The following COMMD2 variants were observed in gnomAD, a reference collection of about 807,000 sequenced individuals.
COMMD2 encodes the protein COMM domain-containing protein 2.
In COMMD2, 25 loss-of-function variants were observed where a neutral mutation model predicts 22.5. That is an observed-to-expected ratio of 1.11 (90% CI 0.81 to 1.55). COMMD2 has a LOEUF of 1.55. Among genes scored for constraint, COMMD2 ranks in the 40% most tolerant of loss-of-function variants. The probability of loss-of-function intolerance (pLI) is 0.00; values close to 1 mark genes in which losing one functional copy is unlikely to be tolerated. For synonymous variants in COMMD2, 98 were observed against 91.2 expected, an observed-to-expected ratio of 1.07 and a Z score of -0.42; for missense variants, 223 against 232.9, an observed-to-expected ratio of 0.96 and a Z score of 0.28.
rs1163264876 is a variant in COMMD2, at chr3:149,752,293, A to G, written c.68-6T>C. 1.9e-6 allele frequency: 3 copies of G among 1,613,936 alleles called. No homozygotes were observed. The highest frequency in any genetic ancestry group is 1.3e-5 in the African/African-American group (1 of 74,910). On this transcript the variant is annotated splice_region_variant and splice_polypyrimidine_tract_variant and intron_variant, in intron 1 of 4. Transcript: ENST00000473414. ...CCGCCCAAACTCGGCGACCACTGCA[A>G]TGAAAGTCAGAAGGCTGTTGAGTGC...
intron 4 of COMMD2, among the ~76,000 whole-genome samples, chr3:149,743,415 C>T (rs1716290048): frequency 6.6e-6 from 1 of 152,136 alleles, no homozygotes; most frequent in Non-Finnish European, 1.5e-5. Context: ...ATAGTGGAGT[C>T]ATGTCAAGAA....
chr3:149,752,334 ACCT>A lies in COMMD2; in HGVS notation c.67+41_67+43del, dbSNP rs1413301503. ...TGTTGAGTGCCAGGCGCTGCCTTTGACCTCCTCCCCAGCCCACAGAACACCGCC... is the reference window on the plus strand; with the variant it reads ...TGTTGAGTGCCAGGCGCTGCCTTTGACCTCCCCAGCCCACAGAACACCGCC... On this transcript the variant is annotated intron_variant, in intron 1 of 4. Transcript: ENST00000473414. The A allele has an allele frequency of 5.0e-6, 8 of 1,613,348 alleles. No individual in the cohort carries two copies. In the African/African-American group the frequency reaches 8.0e-5, roughly 16 times the overall value.
intron 4 of COMMD2, among the ~76,000 whole-genome samples, chr3:149,742,634 TAC>T (rs1445088615): frequency 6.6e-6 from 1 of 151,976 alleles, no homozygotes; most frequent in Non-Finnish European, 1.5e-5. Flanking sequence ...TTAAAAAATA[TAC>T]AGTTTGGTGA....
At chr3:149,741,840 A>T (rs1174149915) in intron 4 of COMMD2, 122 bp from the exon 5 acceptor site, 1 of 730,830 alleles carries the variant, frequency 1.4e-6, no homozygotes, top group East Asian at 2.7e-5. Flanking sequence ...AGACTTCAAA[A>T]TGAAAAGTAA....
intron 3 of COMMD2, 51 bp downstream of exon 3, chr3:149,751,345 TACACCAG>T: frequency 6.2e-7 from 1 of 1,612,658 alleles, no homozygotes; most frequent in Non-Finnish European, 8.5e-7. Flanking sequence ...TGATGTAGAG[TACACCAG>T]ACCGTTCTTA....
Position 149,741,380 on chromosome 3 carries a change from G to A in COMMD2, c.*141C>T. Reference sequence around the variant, plus strand: ...TGCACCCAGCTTAGCTTCTGATTATGACCTCAGTATCTTGGAATAGATACT... The same window carrying A: ...TGCACCCAGCTTAGCTTCTGATTATAACCTCAGTATCTTGGAATAGATACT... On this transcript the variant is annotated 3_prime_UTR_variant, in exon 5 of 5. Transcript: ENST00000473414. The A allele has an allele frequency of 2.7e-6, 2 of 729,016 alleles. No homozygotes were observed. Among genetic ancestry groups the A allele is most frequent in the South Asian group, 3.7e-5 (2 of 54,676 alleles). 45.2% of individuals were successfully genotyped at this position (729,016 alleles called of 1,614,324 possible).
In COMMD2 at chr3:149,741,825, A is replaced by G. The variant is rs935735364; in HGVS notation, c.403-107T>C. 38 of 832,610 alleles carry G rather than the reference A, an allele frequency of 4.6e-5. No homozygotes were observed. The Middle Eastern group carries it at 8.5e-4, about 19-fold the overall frequency. 51.6% of individuals were successfully genotyped at this position (832,610 alleles called of 1,614,324 possible). Reference sequence around the variant, plus strand: ...TACACAAAAATTAAGTTTCAGATGAATTACAGACTTCAAAATGAAAAGTAA... The same window carrying G: ...TACACAAAAATTAAGTTTCAGATGAGTTACAGACTTCAAAATGAAAAGTAA... On this transcript the variant is annotated intron_variant, in intron 4 of 4. Transcript: ENST00000473414.
At position 149,740,517 on chromosome 3, in the gene COMMD2, T is replaced by C. The variant is rs941952449; in HGVS notation, c.*1004A>G. The C allele has an allele frequency of 6.6e-5, 10 of 152,226 alleles. No homozygotes were observed. Among genetic ancestry groups the C allele is most frequent in the African/African-American group, 1.7e-4 (7 of 41,454 alleles). The allele number at this position is 152,226 out of a possible 1,614,324, so 9.4% of individuals were successfully genotyped here. A position where few individuals can be genotyped will look rare whatever the true frequency, so the allele number is the denominator to read the frequency against. On this transcript the variant is annotated 3_prime_UTR_variant, in exon 5 of 5. Transcript: ENST00000473414. ...AATTAGTCCTTGATAAAATACAATA[T>C]ACGACCACACAAATTTGAGTACTAT...
chr3:149,751,826 C>T, intron 2 of COMMD2: 1 of 240,168 alleles, frequency 4.2e-6, no homozygotes, highest in Non-Finnish European at 7.5e-6. Context: ...AGGGGTAAAA[C>T]AACACTTTTT....
chr3:149,748,841 T>C (rs1285623801), intron 4 of COMMD2, among the ~76,000 whole-genome samples: 2 of 152,214 alleles, frequency 1.3e-5, no homozygotes, highest in African/African-American at 4.8e-5. Context: ...CTTACAAGGA[T>C]AAGAAAGAGT....
intron 4 of COMMD2, among the ~76,000 whole-genome samples, chr3:149,749,880 A>G (rs759438226): frequency 2.0e-4 from 30 of 152,284 alleles, no homozygotes; most frequent in Non-Finnish European, 3.4e-4. Context: ...ACCTTATTTT[A>G]TAACTACCTT....
intron 4 of COMMD2, among the ~76,000 whole-genome samples, chr3:149,746,400 T>C (rs1163838050): frequency 6.6e-6 from 1 of 152,024 alleles, no homozygotes; most frequent in African/African-American, 2.4e-5. Context: ...GAGGCTATGG[T>C]AGGAGTAGTT....
chr3:149,743,061 A>G (rs1458150797), intron 4 of COMMD2, among the ~76,000 whole-genome samples: 3 of 152,112 alleles, frequency 2.0e-5, no homozygotes, highest in East Asian at 1.9e-4. Flanking sequence ...GATGGTTACA[A>G]TTGGGTACAG....
chr3:149,746,050 G>A (rs1390654837), intron 4 of COMMD2, among the ~76,000 whole-genome samples: 1 of 152,208 alleles, frequency 6.6e-6, no homozygotes, highest in Non-Finnish European at 1.5e-5. Flanking sequence ...GCATCCAAGT[G>A]TTAGGCCCAC....
chr3:149,751,095 T>C (rs1335768940), intron 3 of COMMD2, among the ~76,000 whole-genome samples: 9 of 152,200 alleles, frequency 5.9e-5, no homozygotes, highest in Admixed American at 3.3e-4. Context: ...TCAAGCCAGA[T>C]ACTGCTGATA....
In COMMD2 at chr3:149,738,589, T is replaced by TTC. The variant is rs1716123046; in HGVS notation, c.*2930_*2931dup. On this transcript the variant is annotated 3_prime_UTR_variant, in exon 5 of 5. Coordinates refer to ENST00000473414, the MANE Select transcript of COMMD2 (RefSeq NM_016094.4). ...AGTCAATGTGGTAGGTAATCCTATA[T>TTC]TCCTATTTTAGAGATGAACAAAAAA... The TTC allele has an allele frequency of 6.6e-6, 1 of 152,088 alleles. No individual in the cohort carries two copies. Among genetic ancestry groups the TTC allele is most frequent in the Non-Finnish European group, 1.5e-5 (1 of 67,954 alleles). The allele number at this position is 152,088 out of a possible 1,614,324, so 9.4% of individuals were successfully genotyped here. A position where few individuals can be genotyped will look rare whatever the true frequency, so the allele number is the denominator to read the frequency against.
chr3:149,739,212 GA>G lies in COMMD2; in HGVS notation c.*2308del. The G allele has an allele frequency of 6.6e-6, 1 of 152,216 alleles. No individual in the cohort carries two copies. Among genetic ancestry groups the G allele is most frequent in the South Asian group, 2.1e-4 (1 of 4,820 alleles). 9.4% of individuals were successfully genotyped at this position (152,216 alleles called of 1,614,324 possible). A position where few individuals can be genotyped will look rare whatever the true frequency, so the allele number is the denominator to read the frequency against. On this transcript the variant is annotated 3_prime_UTR_variant, in exon 5 of 5. Coordinates refer to ENST00000473414, the MANE Select transcript of COMMD2 (RefSeq NM_016094.4). ...CCTGGGTCATACTGGAGAGAACAGT[GA>G]CTACCTCTAAAGAAAATTATGTTCA...
rs778530127 is a variant in COMMD2, at chr3:149,741,678, A to C, written c.443T>G (p.Val148Gly). The C allele has an allele frequency of 6.2e-7, 1 of 1,613,924 alleles. No individual in the cohort carries two copies. The highest frequency in any genetic ancestry group is 8.5e-7 in the Non-Finnish European group (1 of 1,179,958). ...TTGATTAAGGTGTAGCTTTATAGTC[A>C]CTGCTGGTTTAATCTGTTGCCTGAG... The part of the protein sequence containing the change: ...RSLRQQIKPA[V>G]TIKLHLNQNG... The change falls in exon 5 of 5, where the codon GTG (valine) becomes GGG (glycine). Residue 148 changes from valine to glycine, a missense_variant. Coordinates refer to ENST00000473414, the MANE Select transcript of COMMD2 (RefSeq NM_016094.4).
chr3:149,752,399 G>T lies in COMMD2; in HGVS notation c.46C>A (p.Leu16Met), dbSNP rs746274570. 6.2e-7 allele frequency: 1 copy of T among 1,614,144 alleles called. No individual in the cohort carries two copies. Among genetic ancestry groups the T allele is most frequent in the Non-Finnish European group, 8.5e-7 (1 of 1,179,988 alleles). The change falls in exon 1 of 5, where the codon CTG becomes ATG. Residue 16 changes from leucine to methionine, a missense_variant. Coordinates refer to ENST00000473414, the MANE Select transcript of COMMD2 (RefSeq NM_016094.4). ...SEEHKEHLAF[L>M]PQVDSAVVAE... ...TGACCCGCGCTGTCCACTTGAGGCA[G>T]GAAGGCCAGGTGTTCCTTATGCTCC...
Sources: gnomAD v4.1 joint callset for allele counts (sites outside exome capture counted in the v4.1 genomes callset) on GRCh38, gnomAD v4.1.1 for gene constraint, MANE v1.5 for transcripts, NCBI Gene and HGNC (gene_info 2026-07-23, HGNC 2026-07-21) for gene names.